ZNF385D: variants seen among roughly 807,000 people sequenced by gnomAD.
ZNF385D encodes zinc finger protein 385D.
A neutral mutation model predicts 35.8 loss-of-function variants in ZNF385D; 15 were observed. That is an observed-to-expected ratio of 0.42 (90% CI 0.28 to 0.64). The LOEUF is 0.64. Among genes scored for constraint, ZNF385D ranks in the 30% least tolerant of loss-of-function variants. ZNF385D has a pLI of 0.23. For missense variants in ZNF385D, 474 were observed against 494.6 expected (o/e 0.96, Z 0.39); for synonymous variants, 212 against 186.8 (o/e 1.13, Z -1.10).
chr3:21,818,095 G>A (rs13316823), intron 3 of ZNF385D, among the ~76,000 whole-genome samples: 24,012 of 151,718 alleles, frequency 0.16, 2,136 homozygotes, highest in Non-Finnish European at 0.2. Flanking sequence ...ACGAAACACC[G>A]CATGTTCTCA....
intron 2 of ZNF385D, among the ~76,000 whole-genome samples, chr3:22,243,776 A>T (rs928908266): frequency 6.6e-6 from 1 of 150,744 alleles, no homozygotes; most frequent in African/African-American, 2.5e-5. Flanking sequence ...GATTGGGCAA[A>T]TAGGGTGGAA....
chr3:21,959,858 G>T (rs1267572571), intron 3 of ZNF385D, among the ~76,000 whole-genome samples: 2 of 152,080 alleles, frequency 1.3e-5, no homozygotes. Flanking sequence ...TGGCTCACTA[G>T]CCTCTAGAAG....
At chr3:21,814,715 C>T (rs936088106) in intron 3 of ZNF385D, among the ~76,000 whole-genome samples, 2 of 152,208 alleles carry the variant, frequency 1.3e-5, no homozygotes, top group Admixed American at 1.3e-4. Context: ...GAGACTTAGA[C>T]TCCCACAAAA....
At chr3:21,911,768 T>C (rs1196365713) in intron 3 of ZNF385D, among the ~76,000 whole-genome samples, 1 of 151,964 alleles carries the variant, frequency 6.6e-6, no homozygotes, top group Non-Finnish European at 1.5e-5. Context: ...GATTTTACTA[T>C]GTACCTATAA....
At chr3:21,766,185 T>C (rs912724406) in intron 3 of ZNF385D, among the ~76,000 whole-genome samples, 7 of 152,110 alleles carry the variant, frequency 4.6e-5, no homozygotes, top group Admixed American at 3.9e-4. Context: ...CTTTCAGATC[T>C]CCAGATGAGA....
chr3:21,505,645 A>G (rs1336081408), intron 4 of ZNF385D, among the ~76,000 whole-genome samples: 1 of 152,100 alleles, frequency 6.6e-6, no homozygotes, highest in Non-Finnish European at 1.5e-5. Context: ...CTGGACAAGA[A>G]ATCGACTTCA....
chr3:21,672,119 C>G (rs12633967), intron 1 of ZNF385D, among the ~76,000 whole-genome samples: 18,337 of 152,084 alleles, frequency 0.12, 1,368 homozygotes, highest in East Asian at 0.22. Flanking sequence ...ACCCATATTT[C>G]CTTAAACCTC....
rs552734331 is a variant in ZNF385D at position 21,960,568 on chromosome 3, A to G, written c.325+208249T>C. ...TAAAAATAAAACTACCATAAGATCC[A>G]GCAATCCCACTACTGGTTATTTATT... On this transcript the variant is annotated intron_variant, in intron 3 of 5. Coordinates refer to the ZNF385D transcript ENST00000494108. Among the ~76,000 whole-genome samples, 50 of 152,294 alleles carry G rather than the reference A, an allele frequency of 3.3e-4. No homozygotes were observed. The South Asian group carries it at 7.7e-3, about 23-fold the overall frequency.
intron 4 of ZNF385D, among the ~76,000 whole-genome samples, chr3:21,487,111 T>A (rs1328643983): frequency 6.6e-6 from 1 of 152,140 alleles, no homozygotes; most frequent in East Asian, 1.9e-4. Context: ...TGCTATATAC[T>A]TTCACGCCAT....
At chr3:21,609,772 T>C (rs2064610577) in intron 2 of ZNF385D, among the ~76,000 whole-genome samples, 1 of 152,192 alleles carries the variant, frequency 6.6e-6, no homozygotes, top group South Asian at 2.1e-4. Flanking sequence ...CACTGTGGTC[T>C]TGGAACTGTT....
intron 3 of ZNF385D, among the ~76,000 whole-genome samples, chr3:21,802,786 C>T (rs1272008854): frequency 6.6e-6 from 1 of 152,122 alleles, no homozygotes; most frequent in Non-Finnish European, 1.5e-5. Flanking sequence ...TACCTGTCCA[C>T]CTGTCTGCCT....
intron 1 of ZNF385D, among the ~76,000 whole-genome samples, chr3:21,705,061 G>A (rs1271179991): frequency 4.6e-5 from 7 of 152,152 alleles, no homozygotes; most frequent in Non-Finnish European, 7.4e-5. Context: ...TGTAGGGTTC[G>A]TGTTGCCAGA....
At chr3:22,357,148 G>C (rs994730737) in intron 2 of ZNF385D, among the ~76,000 whole-genome samples, 1 of 151,812 alleles carries the variant, frequency 6.6e-6, no homozygotes, top group Non-Finnish European at 1.5e-5. Flanking sequence ...TGAAGCTTTC[G>C]GATGGGAAGA....
At chr3:21,431,753 G>A (rs1040753451) in intron 5 of ZNF385D, among the ~76,000 whole-genome samples, 3 of 152,102 alleles carry the variant, frequency 2.0e-5, no homozygotes, top group Admixed American at 1.3e-4. Flanking sequence ...TTAAAGGGAA[G>A]CCTTATCATT....
At chr3:21,707,901 T>C (rs1575502276) in intron 1 of ZNF385D, among the ~76,000 whole-genome samples, 1 of 152,304 alleles carries the variant, frequency 6.6e-6, no homozygotes, top group South Asian at 2.1e-4. Flanking sequence ...TGTGCATCTG[T>C]GCTTAGTGAC....
intron 2 of ZNF385D, among the ~76,000 whole-genome samples, chr3:22,225,919 G>A (rs944979181): frequency 1.3e-5 from 2 of 152,088 alleles, no homozygotes; most frequent in Non-Finnish European, 2.9e-5. Context: ...TGTTGTGCAC[G>A]TGTGCACATA....
chr3:22,045,457 C>G (rs1045724330), intron 3 of ZNF385D, among the ~76,000 whole-genome samples: 3 of 152,076 alleles, frequency 2.0e-5, no homozygotes, highest in African/African-American at 7.2e-5. Flanking sequence ...GGAACCCCCT[C>G]CACTGTGAAG....
At chr3:21,982,779 A>C (rs1694552446) in intron 3 of ZNF385D, among the ~76,000 whole-genome samples, 1 of 151,440 alleles carries the variant, frequency 6.6e-6, no homozygotes, top group Non-Finnish European at 1.5e-5. Context: ...GTTTATTTAG[A>C]GTTGTTAACA....
At chr3:21,720,220 A>G (rs566390271) in intron 1 of ZNF385D, among the ~76,000 whole-genome samples, 1 of 152,202 alleles carries the variant, frequency 6.6e-6, no homozygotes. Context: ...ATTCTTAAGT[A>G]TAGTCCCTAG....
Sources: gnomAD v4.1 joint callset for allele counts (sites outside exome capture counted in the v4.1 genomes callset) on GRCh38, gnomAD v4.1.1 for gene constraint, MANE v1.5 for transcripts, NCBI Gene and HGNC (gene_info 2026-07-23, HGNC 2026-07-21) for gene names.